TRABD2B: variants seen among roughly 807,000 people sequenced by gnomAD.
TRABD2B encodes TraB domain containing 2B, also known as metalloprotease TIKI2.
Under a neutral mutation model 40.1 loss-of-function variants are expected in TRABD2B, and 14 were observed. The observed-to-expected ratio is 0.35, with a 90% CI of 0.23 to 0.55. The LOEUF (loss-of-function observed/expected upper bound fraction) is 0.55, where lower values mean the gene tolerates loss of function less well. Among genes scored for constraint, TRABD2B ranks in the 20% least tolerant of loss-of-function variants. The pLI is 0.90. For synonymous variants in TRABD2B, 263 were observed against 277.0 expected, an observed-to-expected ratio of 0.95 and a Z score of 0.50; for missense variants, 541 against 648.6, an observed-to-expected ratio of 0.83 and a Z score of 1.80.
chr1:47,810,137 G>GGT (rs140552120), intron 2 of TRABD2B, among the ~76,000 whole-genome samples: 42,428 of 135,704 alleles, frequency 0.31, 6,052 homozygotes, highest in East Asian at 0.36. Context: ...AGGAATATAG[G>GGT]GTGTGTGTGT....
intron 3 of TRABD2B, among the ~76,000 whole-genome samples, chr1:47,798,674 C>T (rs934695417): frequency 1.5e-4 from 23 of 152,186 alleles, no homozygotes; most frequent in African/African-American, 7.2e-5. Context: ...CTCCAGCTTG[C>T]GCTCTCCACC....
At chr1:47,934,938 C>T (rs1033691328) in intron 2 of TRABD2B, among the ~76,000 whole-genome samples, 56 of 152,300 alleles carry the variant, frequency 3.7e-4, no homozygotes, top group African/African-American at 1.3e-3. Context: ...GCAGGTGATA[C>T]AGTCACAGTG....
chr1:47,874,552 G>T (rs564022354), intron 2 of TRABD2B, among the ~76,000 whole-genome samples: 1 of 146,928 alleles, frequency 6.8e-6, no homozygotes, highest in Non-Finnish European at 1.5e-5. Context: ...GATTACAGGC[G>T]TGAGCCACCG....
intron 2 of TRABD2B, among the ~76,000 whole-genome samples, chr1:47,802,395 T>C (rs1454863633): frequency 3.3e-5 from 5 of 152,070 alleles, no homozygotes; most frequent in African/African-American, 1.2e-4. Context: ...TCATTTTAGA[T>C]GGGGACACTG....
chr1:47,979,749 A>G (rs1184514947), intron 2 of TRABD2B, among the ~76,000 whole-genome samples: 1 of 152,240 alleles, frequency 6.6e-6, no homozygotes, highest in African/African-American at 2.4e-5. Context: ...AATGGTGGTC[A>G]AGGTCTCAGG....
At chr1:47,812,541 G>A (rs1259895514) in intron 2 of TRABD2B, among the ~76,000 whole-genome samples, 1 of 107,592 alleles carries the variant, frequency 9.3e-6, no homozygotes, top group Non-Finnish European at 1.9e-5. Flanking sequence ...GGAAACACAG[G>A]GAGACCCCAT....
At chr1:47,771,076 A>C (rs1644371648) in intron 6 of TRABD2B, among the ~76,000 whole-genome samples, 2 of 152,142 alleles carry the variant, frequency 1.3e-5, no homozygotes, top group Non-Finnish European at 2.9e-5. Flanking sequence ...TTCTACCTCG[A>C]ATCTGATGGG....
intron 2 of TRABD2B, among the ~76,000 whole-genome samples, chr1:47,917,729 G>C (rs552856843): frequency 6.6e-6 from 1 of 151,822 alleles, no homozygotes; most frequent in Admixed American, 6.5e-5. Flanking sequence ...GTGAGACACT[G>C]TCTCAAAAAA....
At chr1:47,804,550 G>A (rs1021274592) in intron 2 of TRABD2B, among the ~76,000 whole-genome samples, 1 of 152,184 alleles carries the variant, frequency 6.6e-6, no homozygotes, top group Non-Finnish European at 1.5e-5. Flanking sequence ...GCACCCAGAA[G>A]AGCTGACTGG....
intron 2 of TRABD2B, among the ~76,000 whole-genome samples, chr1:47,937,313 C>A (rs977493054): frequency 8.6e-5 from 13 of 151,894 alleles, no homozygotes; most frequent in Admixed American, 5.2e-4. Context: ...CCATCATGAT[C>A]ATCACCATCA....
At chr1:47,890,525 G>C (rs1204568189) in intron 2 of TRABD2B, among the ~76,000 whole-genome samples, 1 of 152,098 alleles carries the variant, frequency 6.6e-6, no homozygotes, top group Non-Finnish European at 1.5e-5. Context: ...TGTTCTACAG[G>C]GTGACCAGGC....
At chr1:47,785,333 G>A (rs1313556981) in intron 4 of TRABD2B, among the ~76,000 whole-genome samples, 7 of 152,218 alleles carry the variant, frequency 4.6e-5, no homozygotes, top group Admixed American at 1.3e-4. Flanking sequence ...GAGGGTCGAA[G>A]AGCACTTGTC....
At chr1:47,980,081 A>G (rs948347142) in intron 2 of TRABD2B, among the ~76,000 whole-genome samples, 1 of 152,170 alleles carries the variant, frequency 6.6e-6, no homozygotes, top group Non-Finnish European at 1.5e-5. Context: ...TATGGTCCTA[A>G]GGCCTCCATC....
intron 2 of TRABD2B, among the ~76,000 whole-genome samples, chr1:47,823,113 T>C (rs1359438577): frequency 6.6e-6 from 1 of 152,164 alleles, no homozygotes; most frequent in Non-Finnish European, 1.5e-5. Context: ...TGTGATAGGG[T>C]CTTGCTGTGC....
At chr1:47,806,335 T>G (rs910335865) in intron 2 of TRABD2B, among the ~76,000 whole-genome samples, 3 of 152,188 alleles carry the variant, frequency 2.0e-5, no homozygotes, top group African/African-American at 7.2e-5. Context: ...TACACAGGCT[T>G]TATAATGAAG....
intron 2 of TRABD2B, among the ~76,000 whole-genome samples, chr1:47,973,697 T>A (rs368385002): frequency 8.5e-5 from 13 of 152,328 alleles, no homozygotes; most frequent in East Asian, 5.8e-4. Flanking sequence ...CAACCACTAG[T>A]GTCTCCCACC....
intron 2 of TRABD2B, among the ~76,000 whole-genome samples, chr1:47,913,269 T>A (rs898219258): frequency 1.6e-4 from 24 of 152,304 alleles, no homozygotes; most frequent in African/African-American, 5.5e-4. Context: ...TGAGCACTCA[T>A]GGGCACTGGG....
At chr1:47,814,257 G>C (rs984622286) in intron 2 of TRABD2B, among the ~76,000 whole-genome samples, 1 of 152,254 alleles carries the variant, frequency 6.6e-6, no homozygotes, top group Non-Finnish European at 1.5e-5. Context: ...GATAGACCCA[G>C]AGCAGGGAGT....
chr1:47,768,589 T>A (rs1644337269), intron 6 of TRABD2B, among the ~76,000 whole-genome samples: 1 of 152,232 alleles, frequency 6.6e-6, no homozygotes, highest in African/African-American at 2.4e-5. Flanking sequence ...CTTGGGGCAG[T>A]TAAGGCTTCT....
Sources: allele counts gnomAD v4.1 joint callset (sites outside exome capture counted in the v4.1 genomes callset), GRCh38; gene constraint gnomAD v4.1.1; transcripts MANE v1.5; gene names NCBI Gene and HGNC (gene_info 2026-07-23, HGNC 2026-07-21).